RSF1: variants seen among roughly 807,000 people sequenced by gnomAD.
The protein encoded by RSF1 is HBV pX-associated protein 8.
A neutral mutation model predicts 145.2 loss-of-function variants in RSF1; 13 were observed. The observed-to-expected ratio is 0.09, with a 90% confidence interval of 0.06 to 0.14. RSF1 has a LOEUF of 0.14. RSF1 is among the 10% of genes least tolerant of loss of function. RSF1 has a pLI of 1.00. For missense variants in RSF1, 1,517 were observed against 1,718.2 expected, an observed-to-expected ratio of 0.88 and a Z score of 2.07; for synonymous variants, 577 against 592.6, an observed-to-expected ratio of 0.97 and a Z score of 0.38.
At position 77,663,503 on chromosome 11, in the gene RSF1, T is replaced by C. The variant is rs1959283300; in HGVS notation, c.*3414A>G. 6.6e-6 allele frequency: 1 copy of C among 152,232 alleles called. No individual in the cohort carries two copies. Among genetic ancestry groups the C allele is most frequent in the Admixed American group, 6.5e-5 (1 of 15,280 alleles). The allele number at this position is 152,232 out of a possible 1,614,324, so 9.4% of individuals were successfully genotyped here. A position where few individuals can be genotyped will look rare whatever the true frequency, so the allele number is the denominator to read the frequency against. ...ATTAGCATTTAAAGTTTTTGGTTCT[T>C]GGGCAGGTCACTTTTATATATAGAT... is the stretch of plus-strand genomic sequence containing the variant. On this transcript the variant is annotated 3_prime_UTR_variant, in exon 16 of 16. Coordinates refer to ENST00000308488, the MANE Select transcript of RSF1 (RefSeq NM_016578.4).
the RSF1 span, among the ~76,000 whole-genome samples, chr11:77,832,989 GTGTGTGTGTA>G: frequency 1.4e-4 from 4 of 29,132 alleles, 1 homozygote; most frequent in African/African-American, 5.6e-4. Context: ...GTGTGTGTGT[GTGTGTGTGTA>G]TATATATATA....
rs569011140 is a variant in RSF1 at position 77,662,124 on chromosome 11, T to C, written c.*4793A>G. 10 of 152,254 alleles carry C rather than the reference T, an allele frequency of 6.6e-5. No individual in the cohort carries two copies. The East Asian group carries it at 1.5e-3, about 23-fold the overall frequency. The allele number at this position is 152,254 out of a possible 1,614,324, so 9.4% of individuals were successfully genotyped here. A position where few individuals can be genotyped will look rare whatever the true frequency, so the allele number is the denominator to read the frequency against. ...TTCCTTTAAAAATGTTTTTTTCTCATTCAAAATATCCAAGAAATTTTATAA... is the reference window on the plus strand; with the variant it reads ...TTCCTTTAAAAATGTTTTTTTCTCACTCAAAATATCCAAGAAATTTTATAA... On this transcript the variant is annotated 3_prime_UTR_variant, in exon 16 of 16. Coordinates refer to ENST00000308488, the MANE Select transcript of RSF1 (RefSeq NM_016578.4).
the RSF1 span, among the ~76,000 whole-genome samples, chr11:77,854,598 G>T: frequency 1.3e-5 from 2 of 152,232 alleles, no homozygotes; most frequent in Admixed American, 6.5e-5. Context: ...ACTGATGCAA[G>T]GGGTGGGTTC....
At chr11:77,810,315 T>C (rs536681630) in intron 1 of RSF1, among the ~76,000 whole-genome samples, 2 of 152,330 alleles carry the variant, frequency 1.3e-5, no homozygotes, top group East Asian at 3.9e-4. Context: ...ATCCTGGCAT[T>C]GCCTTATGAC....
At chr11:77,829,190 A>G in the RSF1 span, among the ~76,000 whole-genome samples, 128 of 125,312 alleles carry the variant, frequency 1.0e-3, no homozygotes, top group Non-Finnish European at 1.9e-3. Flanking sequence ...ATAGAGAGAG[A>G]GCTCTTTCTC....
chr11:77,792,261 T>C (rs1948525174), intron 1 of RSF1, among the ~76,000 whole-genome samples: 1 of 152,130 alleles, frequency 6.6e-6, no homozygotes, highest in African/African-American at 2.4e-5. Flanking sequence ...CCTGCCCCCA[T>C]GATTCAATTA....
chr11:77,747,112 T>C lies in RSF1; in HGVS notation c.296A>G (p.Asn99Ser). The C allele has an allele frequency of 6.2e-7, 1 of 1,609,824 alleles. No individual in the cohort carries two copies. Among genetic ancestry groups the C allele is most frequent in the Non-Finnish European group, 8.5e-7 (1 of 1,176,680 alleles). Residue 99 changes from asparagine to serine, a missense_variant, in exon 3 of 16, where the codon AAC becomes AGC. Asn to Ser is a conservative substitution (Grantham distance 46). This residue lies in a region of RSF1 where 94 missense variants were observed against 143.6 expected (regional missense o/e 0.65). Transcript: ENST00000308488. ...CTCCATCTCCCATGCCCAGGTACTG[T>C]TAAACTCTTGGCATATCTGTCAGAT... ...KYLIKICQEF[N>S]STWAWEMEKK...
chr11:77,810,664 A>G (rs1259084864), intron 1 of RSF1, among the ~76,000 whole-genome samples: 1 of 152,112 alleles, frequency 6.6e-6, no homozygotes, highest in Non-Finnish European at 1.5e-5. Flanking sequence ...GGGTTCAAGC[A>G]ATTGTTGTGT....
At chr11:77,855,126 G>C in the RSF1 span, among the ~76,000 whole-genome samples, 2 of 152,144 alleles carry the variant, frequency 1.3e-5, no homozygotes, top group African/African-American at 4.8e-5. Flanking sequence ...AGAGCAGTGA[G>C]GCCTTGTACC....
Position 77,715,206 on chromosome 11 carries a change from T to C in RSF1, c.733+10339A>G, listed in dbSNP as rs116720857. ...TCTTTAAAAAAAAGCAGCAGCACTA[T>C]AGTCTGTATCCTATTGTTTATGGCA... On this transcript the variant is annotated intron_variant, in intron 5 of 15. Coordinates refer to ENST00000308488, the MANE Select transcript of RSF1 (RefSeq NM_016578.4). Among the ~76,000 whole-genome samples, 669 of 151,720 alleles carry C rather than the reference T, an allele frequency of 4.4e-3. 4 individuals carry two copies. The highest frequency in any genetic ancestry group is 0.015 in the African/African-American group (637 of 41,420).
chr11:77,826,541 T>A, the RSF1 span, among the ~76,000 whole-genome samples: 3 of 152,244 alleles, frequency 2.0e-5, no homozygotes, highest in Admixed American at 2.0e-4. Flanking sequence ...GTACTGACTG[T>A]TAAACTGTTA....
chr11:77,858,443 G>A, the RSF1 span, among the ~76,000 whole-genome samples: 3 of 150,150 alleles, frequency 2.0e-5, no homozygotes, highest in South Asian at 2.1e-4. Flanking sequence ...ATAGATGATT[G>A]GCTATTTCTT....
intron 8 of RSF1, among the ~76,000 whole-genome samples, 191 bp from the exon 9 acceptor site, chr11:77,691,429 T>C (rs958742426): frequency 1.3e-5 from 2 of 152,152 alleles, no homozygotes; most frequent in African/African-American, 4.8e-5. Flanking sequence ...ACCTTTGAAA[T>C]AAAGCACACG....
At chr11:77,872,127 C>T in the RSF1 span, 2 of 1,585,268 alleles carry the variant, frequency 1.3e-6, no homozygotes, top group South Asian at 1.2e-5. Flanking sequence ...AAAGGAACCC[C>T]TGGGGGGCCT....
At chr11:77,761,288 C>T (rs987789190) in intron 2 of RSF1, among the ~76,000 whole-genome samples, 3 of 152,052 alleles carry the variant, frequency 2.0e-5, no homozygotes, top group Admixed American at 2.0e-4. Context: ...GTACTGAGCC[C>T]CCCAAAATAC....
At chr11:77,800,930 A>G (rs1948619691) in intron 1 of RSF1, among the ~76,000 whole-genome samples, 1 of 152,106 alleles carries the variant, frequency 6.6e-6, no homozygotes, top group African/African-American at 2.4e-5. Flanking sequence ...GCTTAAGCCC[A>G]CTAGGTCAAG....
chr11:77,700,207 T>A (rs1448506987), intron 6 of RSF1, among the ~76,000 whole-genome samples: 1 of 151,488 alleles, frequency 6.6e-6, no homozygotes, highest in Non-Finnish European at 1.5e-5. Flanking sequence ...AAAAATTAGC[T>A]GGGTGTGGTG....
the RSF1 span, among the ~76,000 whole-genome samples, chr11:77,853,623 C>G: frequency 6.6e-6 from 1 of 152,092 alleles, no homozygotes; most frequent in African/African-American, 2.4e-5. Flanking sequence ...TGGCCCCTCC[C>G]AAATCTCATG....
At chr11:77,681,351 C>T (rs924496051) in intron 11 of RSF1, among the ~76,000 whole-genome samples, 8 of 152,124 alleles carry the variant, frequency 5.3e-5, no homozygotes, top group Non-Finnish European at 8.8e-5. Context: ...TGACATATTA[C>T]AAAACAACTC....
Sources: allele counts gnomAD v4.1 joint callset (sites outside exome capture counted in the v4.1 genomes callset), GRCh38; gene constraint gnomAD v4.1.1; regional missense constraint gnomAD v4.1.1; transcripts MANE v1.5; gene names NCBI Gene and HGNC (gene_info 2026-07-23, HGNC 2026-07-21).